CSMD1: variants seen among roughly 807,000 people sequenced by gnomAD.
CSMD1 encodes CUB and Sushi multiple domains 1, also known as CUB and sushi domain-containing protein 1.
A neutral mutation model predicts 417.5 loss-of-function variants in CSMD1; 213 were observed. That is an observed-to-expected ratio of 0.51 (90% CI 0.46 to 0.57). CSMD1 has a LOEUF of 0.57. Among genes scored for constraint, CSMD1 ranks in the 20% least tolerant of loss-of-function variants. The pLI, the probability that CSMD1 is intolerant of heterozygous loss-of-function variation, is 0.00. For synonymous variants in CSMD1, 2,862 were observed against 1,736.8 expected (o/e 1.65, Z -16.11); for missense variants, 6,923 against 4,529.7 (o/e 1.53, Z -15.17).
At position 3,739,741 on chromosome 8, in the gene CSMD1, T is replaced by C. The variant is rs915195240; in HGVS notation, c.931+14189A>G. On this transcript the variant is annotated intron_variant, in intron 6 of 69. Transcript: ENST00000635120. ...GTTTTAAACTATTGATCCACAGTTATCACAAAAATAGCAACAGATGCTACA... is the reference window on the plus strand; with the variant it reads ...GTTTTAAACTATTGATCCACAGTTACCACAAAAATAGCAACAGATGCTACA... Among the ~76,000 whole-genome samples the C allele has an allele frequency of 3.3e-5, 5 of 152,250 alleles. No individual in the cohort carries two copies. The South Asian group carries it at 8.3e-4, about 25-fold the overall frequency.
intron 8 of CSMD1, among the ~76,000 whole-genome samples, chr8:3,588,067 A>G (rs969819750): frequency 1.7e-4 from 25 of 150,908 alleles, no homozygotes; most frequent in Non-Finnish European, 2.8e-4. Context: ...TTTAAACCTC[A>G]TTTAAGAAAT....
intron 49 of CSMD1, among the ~76,000 whole-genome samples, chr8:3,060,114 G>C (rs1812493075): frequency 6.6e-6 from 1 of 151,384 alleles, no homozygotes; most frequent in Admixed American, 6.6e-5. Context: ...ACATAGCTAA[G>C]ACTATACATT....
At chr8:4,145,375 C>T (rs962673689) in intron 3 of CSMD1, among the ~76,000 whole-genome samples, 2 of 151,054 alleles carry the variant, frequency 1.3e-5, no homozygotes, top group Admixed American at 6.6e-5. Context: ...ATGTCCCAAA[C>T]ATTATATACT....
At chr8:4,402,127 C>T (rs1054278479) in intron 3 of CSMD1, among the ~76,000 whole-genome samples, 1 of 152,116 alleles carries the variant, frequency 6.6e-6, no homozygotes, top group African/African-American at 2.4e-5. Flanking sequence ...CATTCTCTTT[C>T]ATTAATTAGT....
intron 5 of CSMD1, among the ~76,000 whole-genome samples, chr8:3,805,350 C>A (rs1800673017): frequency 6.6e-6 from 1 of 152,120 alleles, no homozygotes; most frequent in East Asian, 1.9e-4. Context: ...TTCCAGGATA[C>A]CAGAATTACA....
intron 3 of CSMD1, among the ~76,000 whole-genome samples, chr8:4,108,833 C>G (rs1801704980): frequency 6.6e-6 from 1 of 152,204 alleles, no homozygotes; most frequent in African/African-American, 2.4e-5. Flanking sequence ...CAGCAGAGTT[C>G]TGCATATGCA....
At chr8:3,506,114 G>A (rs1362797907) in intron 10 of CSMD1, among the ~76,000 whole-genome samples, 3 of 152,196 alleles carry the variant, frequency 2.0e-5, no homozygotes, top group East Asian at 1.9e-4. Flanking sequence ...CTCATCGGAG[G>A]CCAGGTGATA....
intron 2 of CSMD1, among the ~76,000 whole-genome samples, chr8:4,574,692 T>A (rs1799053631): frequency 6.6e-6 from 1 of 152,188 alleles, no homozygotes; most frequent in South Asian, 2.1e-4. Context: ...TCCAGATATG[T>A]GGGGAAAACT....
intron 5 of CSMD1, among the ~76,000 whole-genome samples, chr8:3,901,075 A>G (rs1198196643): frequency 6.6e-6 from 1 of 152,200 alleles, no homozygotes; most frequent in African/African-American, 2.4e-5. Flanking sequence ...GTAAAGAAAT[A>G]ATTTATAACC....
Position 3,998,025 on chromosome 8 carries a change from C to A in CSMD1, c.696G>T (p.Ala232=). ...PHFPSEYENN[A]DCTWTILAEP... ...CAGCCAGAATGGTCCAGGTGCAGTC[C>A]GCGTTGTTCTCGTACTCTGAAGGGA... Residue 232 remains alanine, a synonymous_variant, in exon 5 of 70, where the codon GCG becomes GCT. Coordinates refer to ENST00000635120, the MANE Select transcript of CSMD1 (RefSeq NM_033225.6). 6.2e-7 allele frequency: 1 copy of A among 1,606,442 alleles called. No individual in the cohort carries two copies. The highest frequency in any genetic ancestry group is 2.2e-5 in the East Asian group (1 of 44,616).
At chr8:3,721,936 A>G (rs1802199812) in intron 6 of CSMD1, among the ~76,000 whole-genome samples, 2 of 152,128 alleles carry the variant, frequency 1.3e-5, no homozygotes, top group Admixed American at 6.6e-5. Flanking sequence ...TACATGCCAC[A>G]GGTGCACCCA....
intron 3 of CSMD1, among the ~76,000 whole-genome samples, chr8:4,236,812 T>TC (rs1299701369): frequency 1.3e-5 from 2 of 152,186 alleles, no homozygotes; most frequent in Non-Finnish European, 1.5e-5. Context: ...AATTATTAAG[T>TC]CTATGTTGCT....
intron 5 of CSMD1, among the ~76,000 whole-genome samples, chr8:3,780,108 A>G (rs1483628697): frequency 1.3e-5 from 2 of 152,230 alleles, no homozygotes; most frequent in Non-Finnish European, 2.9e-5. Context: ...GTGTTGCATT[A>G]GAAGGCTTGC....
At chr8:3,780,296 G>C (rs1173572777) in intron 5 of CSMD1, among the ~76,000 whole-genome samples, 1 of 152,176 alleles carries the variant, frequency 6.6e-6, no homozygotes, top group Non-Finnish European at 1.5e-5. Context: ...CAATTAGTTC[G>C]TATTCCGCAA....
At chr8:4,787,624 A>G (rs1797476537) in intron 1 of CSMD1, 2 of 1,570,718 alleles carry the variant, frequency 1.3e-6, no homozygotes, top group East Asian at 4.5e-5. Context: ...GAAGAATAGC[A>G]ACTGGTTCTT....
Position 3,108,745 on chromosome 8 carries a change from G to A in CSMD1, c.6612C>T (p.Asp2204=), listed in dbSNP as rs1267338247. 10 of 1,610,698 alleles carry A rather than the reference G, an allele frequency of 6.2e-6. No individual in the cohort carries two copies. The African/African-American group carries it at 6.7e-5, about 11-fold the overall frequency. Residue 2204 remains aspartate (D), a synonymous_variant, in exon 44 of 70, where the codon GAC becomes GAT. Coordinates refer to ENST00000635120, the MANE Select transcript of CSMD1 (RefSeq NM_033225.6). ...EAVNDYIAVW[D]GPDQNSPQLG... ...GCTGGGGTGAGTTCTGATCGGGACC[G>A]TCCCTAGGAAAGACAGAAAGAGGTG...
chr8:4,201,393 C>T lies in CSMD1; in HGVS notation c.416-169294G>A, dbSNP rs547164025. On this transcript the variant is annotated intron_variant, in intron 3 of 69. Transcript: ENST00000635120. ...CTCTACTAAAAATACAAAAAATTAG[C>T]CGGGGGTGGCGCTGGGCGCCTGTAG... 1.7e-3 allele frequency among the ~76,000 whole-genome samples: 251 copies of T among 151,740 alleles called. 1 individual carries two copies. The highest frequency in any genetic ancestry group is 5.8e-3 in the African/African-American group (242 of 41,404).
chr8:4,097,989 T>C (rs1017566810), intron 3 of CSMD1, among the ~76,000 whole-genome samples: 2 of 152,152 alleles, frequency 1.3e-5, no homozygotes, highest in Non-Finnish European at 1.5e-5. Flanking sequence ...GTGGATCAGA[T>C]GGAAATGAAC....
intron 50 of CSMD1, among the ~76,000 whole-genome samples, chr8:3,035,256 C>A (rs117410116): frequency 1.3e-5 from 2 of 152,148 alleles, no homozygotes; most frequent in African/African-American, 4.8e-5. Context: ...CCCAGAGACG[C>A]GCATCTGTTT....
Sources: gnomAD v4.1 joint callset for allele counts (sites outside exome capture counted in the v4.1 genomes callset) on GRCh38, gnomAD v4.1.1 for gene constraint, MANE v1.5 for transcripts, NCBI Gene and HGNC (gene_info 2026-07-23, HGNC 2026-07-21) for gene names.